Variants in BMAL2 observed in about 807,000 individuals in gnomAD.
BMAL2 encodes basic helix-loop-helix ARNT-like protein 2.
the BMAL2 span, among the ~76,000 whole-genome samples, chr12:27,365,211 A>C: frequency 2.0e-5 from 3 of 152,028 alleles, no homozygotes; most frequent in Admixed American, 1.3e-4. Flanking sequence ...ATATTTCTTC[A>C]CTAATATTTC....
chr12:27,412,986 C>T, the BMAL2 span, among the ~76,000 whole-genome samples: 1 of 149,456 alleles, frequency 6.7e-6, no homozygotes, highest in Non-Finnish European at 1.5e-5. Context: ...ATGATATATT[C>T]AAAGTGCTGC....
At chr12:27,410,878 T>C in the BMAL2 span, among the ~76,000 whole-genome samples, 1 of 152,078 alleles carries the variant, frequency 6.6e-6, no homozygotes, top group Non-Finnish European at 1.5e-5. Context: ...ATAAAAATAT[T>C]TGGTAAATTT....
chr12:27,360,559 TTAAAAA>T, the BMAL2 span, among the ~76,000 whole-genome samples: 1 of 152,082 alleles, frequency 6.6e-6, no homozygotes, highest in Non-Finnish European at 1.5e-5. Context: ...AGCTTTATAA[TTAAAAA>T]TAAAGCAACA....
chr12:27,332,917 T>G, the BMAL2 span: 6 of 331,584 alleles, frequency 1.8e-5, no homozygotes, highest in Non-Finnish European at 1.4e-5. Context: ...CGTGCGCGCC[T>G]ACGGGCTGCG....
the BMAL2 span, among the ~76,000 whole-genome samples, chr12:27,392,035 T>G: frequency 6.6e-6 from 1 of 152,194 alleles, no homozygotes. Context: ...TTAATCCCTC[T>G]GAGCTTCAGT....
the BMAL2 span, among the ~76,000 whole-genome samples, chr12:27,356,439 C>G: frequency 0.011 from 1,653 of 152,268 alleles, 20 homozygotes; most frequent in South Asian, 0.048. Context: ...GTACAATCTA[C>G]GTTTCAAGCT....
At chr12:27,384,236 T>TC in the BMAL2 span, among the ~76,000 whole-genome samples, 1 of 152,190 alleles carries the variant, frequency 6.6e-6, no homozygotes, top group African/African-American at 2.4e-5. Context: ...ATTCCCTTAC[T>TC]CCTCCCAGGT....
chr12:27,371,456 T>C, the BMAL2 span, among the ~76,000 whole-genome samples: 1 of 152,176 alleles, frequency 6.6e-6, no homozygotes, highest in African/African-American at 2.4e-5. Flanking sequence ...AGGTATGTAG[T>C]TGCATACTCC....
the BMAL2 span, among the ~76,000 whole-genome samples, chr12:27,366,354 A>G: frequency 6.6e-6 from 1 of 152,258 alleles, no homozygotes; most frequent in Admixed American, 6.5e-5. Context: ...TAAATCTTCC[A>G]TATCATTATT....
chr12:27,418,675 A>G, the BMAL2 span, among the ~76,000 whole-genome samples: 23 of 151,088 alleles, frequency 1.5e-4, no homozygotes, highest in East Asian at 2.9e-3. Flanking sequence ...ATTGTACTCA[A>G]TCTTAAAATG....
At chr12:27,411,231 G>A in the BMAL2 span, among the ~76,000 whole-genome samples, 10 of 152,006 alleles carry the variant, frequency 6.6e-5, no homozygotes, top group Non-Finnish European at 1.3e-4. Context: ...ATGCTCAAGC[G>A]ATCCTCCTGC....
At chr12:27,359,640 C>A in the BMAL2 span, among the ~76,000 whole-genome samples, 1 of 151,898 alleles carries the variant, frequency 6.6e-6, no homozygotes, top group Non-Finnish European at 1.5e-5. Context: ...CATGATTGCA[C>A]CGCTGCACTC....
the BMAL2 span, among the ~76,000 whole-genome samples, chr12:27,392,796 T>C: frequency 6.6e-6 from 1 of 152,252 alleles, no homozygotes; most frequent in African/African-American, 2.4e-5. Context: ...GTTTTAAAGA[T>C]GACCAGATTG....
At chr12:27,335,256 G>A in the BMAL2 span, among the ~76,000 whole-genome samples, 1 of 152,098 alleles carries the variant, frequency 6.6e-6, no homozygotes, top group African/African-American at 2.4e-5. Flanking sequence ...ACCAAACTAT[G>A]GGTTTCCCCA....
At chr12:27,405,470 T>A in the BMAL2 span, among the ~76,000 whole-genome samples, 1 of 152,240 alleles carries the variant, frequency 6.6e-6, no homozygotes, top group Non-Finnish European at 1.5e-5. Flanking sequence ...CCTCCGCTGC[T>A]GATACCCAGG....
At chr12:27,369,298 G>GT in the BMAL2 span, among the ~76,000 whole-genome samples, 5 of 140,890 alleles carry the variant, frequency 3.5e-5, no homozygotes, top group African/African-American at 1.1e-4. Context: ...TTCTTTTTTG[G>GT]TGGGGGGGGT....
chr12:27,372,097 G>A, the BMAL2 span, among the ~76,000 whole-genome samples: 16,574 of 152,128 alleles, frequency 0.11, 1,319 homozygotes, highest in East Asian at 0.38. Flanking sequence ...CAGGCATGGC[G>A]GCATGCGCCT....
the BMAL2 span, among the ~76,000 whole-genome samples, chr12:27,390,649 G>A: frequency 6.6e-6 from 1 of 152,118 alleles, no homozygotes; most frequent in African/African-American, 2.4e-5. Context: ...AGATGTTCCA[G>A]GTGTGATTTT....
the BMAL2 span, among the ~76,000 whole-genome samples, chr12:27,363,594 A>G: frequency 6.6e-6 from 1 of 152,212 alleles, no homozygotes; most frequent in Non-Finnish European, 1.5e-5. Flanking sequence ...CCATGTGTTG[A>G]CAACTGGAAT....
Sources: gnomAD v4.1 joint callset for allele counts (sites outside exome capture counted in the v4.1 genomes callset) on GRCh38, gnomAD v4.1.1 for gene constraint, MANE v1.5 for transcripts, NCBI Gene and HGNC (gene_info 2026-07-23, HGNC 2026-07-21) for gene names.